The following CAMK1D variants were observed in gnomAD, a reference collection of about 807,000 sequenced individuals.
CAMK1D encodes calcium/calmodulin-dependent protein kinase type 1D.
CAMK1D carries 9 observed loss-of-function variants against 47.7 expected under a neutral mutation model. The observed-to-expected ratio is 0.19, with a 90% CI of 0.11 to 0.33. CAMK1D has a LOEUF of 0.33. Among genes scored for constraint, CAMK1D ranks in the 10% least tolerant of loss-of-function variants. The probability of loss-of-function intolerance (pLI) is 1.00; values close to 1 mark genes in which losing one functional copy is unlikely to be tolerated. For synonymous variants in CAMK1D, 184 were observed against 184.9 expected, an observed-to-expected ratio of 0.99 and a Z score of 0.04; for missense variants, 291 against 488.7, an observed-to-expected ratio of 0.60 and a Z score of 3.81.
intron 1 of CAMK1D, among the ~76,000 whole-genome samples, chr10:12,523,742 A>AGGGAGAGGGAGACCGTG (rs887148658): frequency 6.6e-6 from 1 of 152,030 alleles, no homozygotes; most frequent in Non-Finnish European, 1.5e-5. Flanking sequence ...GTGGAAAGAG[A>AGGGAGAGGGAGACCGTG]GGGAGAGGGA....
chr10:12,625,774 C>G (rs1588705224), intron 2 of CAMK1D, among the ~76,000 whole-genome samples: 1 of 152,080 alleles, frequency 6.6e-6, no homozygotes, highest in East Asian at 1.9e-4. Flanking sequence ...CCTTACACGT[C>G]TTCACTTGAA....
chr10:12,400,938 G>A (rs1267556855), intron 1 of CAMK1D, among the ~76,000 whole-genome samples: 2 of 147,388 alleles, frequency 1.4e-5, no homozygotes, highest in Non-Finnish European at 3.0e-5. Flanking sequence ...GCAATATAGC[G>A]AGGCCCCTGT....
chr10:12,355,087 C>T (rs1837469867), intron 1 of CAMK1D, among the ~76,000 whole-genome samples: 1 of 152,034 alleles, frequency 6.6e-6, no homozygotes, highest in South Asian at 2.1e-4. Context: ...AAGTGATCCT[C>T]CTACTTTGGG....
intron 1 of CAMK1D, among the ~76,000 whole-genome samples, chr10:12,415,455 ATTTTTTT>A (rs5783266): frequency 3.2e-5 from 3 of 93,138 alleles, no homozygotes; most frequent in African/African-American, 7.5e-5. Context: ...CGCCTGGCTA[ATTTTTTT>A]TTTTTTTTTT....
chr10:12,439,099 T>C (rs1377332463), intron 1 of CAMK1D, among the ~76,000 whole-genome samples: 1 of 152,212 alleles, frequency 6.6e-6, no homozygotes, highest in Non-Finnish European at 1.5e-5. Context: ...CATCAGGCAC[T>C]ATCGTCTGTG....
In CAMK1D at chr10:12,520,012, G is replaced by A. The variant is rs1255719366; in HGVS notation, c.93-33213G>A. On this transcript the variant is annotated intron_variant, in intron 1 of 10. Coordinates refer to ENST00000619168, the MANE Select transcript of CAMK1D (RefSeq NM_153498.4). ...GGGCTCCTCACTTCCCAGTAGGGGCGGCCGGGCAGAGGAGCCCCTCACCTC... is the reference window on the plus strand; with the variant it reads ...GGGCTCCTCACTTCCCAGTAGGGGCAGCCGGGCAGAGGAGCCCCTCACCTC... Among the ~76,000 whole-genome samples the A allele has an allele frequency of 4.0e-5, 3 of 74,690 alleles. 1 individual carries two copies. Among genetic ancestry groups the A allele is most frequent in the Non-Finnish European group, 8.4e-5 (3 of 35,528 alleles). The allele number at this position is 74,690 out of a possible 152,430, so 49.0% of individuals were successfully genotyped here. A position where few individuals can be genotyped will look rare whatever the true frequency, so the allele number is the denominator to read the frequency against.
In CAMK1D at chr10:12,509,159, T is replaced by G. The variant is rs114150318; in HGVS notation, c.93-44066T>G. Among the ~76,000 whole-genome samples, 615 of 152,292 alleles carry G rather than the reference T, an allele frequency of 4.0e-3. 5 individuals carry two copies. Among genetic ancestry groups the G allele is most frequent in the African/African-American group, 0.014 (595 of 41,564 alleles). ...CCTTCCTCTGGATAATTGCACGACT[T>G]TCCCTTTAGCAGCCGCCAATGGGAA... On this transcript the variant is annotated intron_variant, in intron 1 of 10. Transcript: ENST00000619168.
chr10:12,723,057 A>C (rs1344340365), intron 3 of CAMK1D, among the ~76,000 whole-genome samples: 1 of 152,194 alleles, frequency 6.6e-6, no homozygotes, highest in East Asian at 1.9e-4. Flanking sequence ...CTATGTGAAC[A>C]CCACATGGGG....
intron 1 of CAMK1D, among the ~76,000 whole-genome samples, chr10:12,464,962 C>G (rs766342397): frequency 6.6e-6 from 1 of 152,164 alleles, no homozygotes; most frequent in African/African-American, 2.4e-5. Flanking sequence ...ATTCCTGAGA[C>G]GTTCTGGATA....
intron 5 of CAMK1D, among the ~76,000 whole-genome samples, chr10:12,770,107 T>A (rs922719347): frequency 1.3e-5 from 2 of 152,240 alleles, no homozygotes; most frequent in Non-Finnish European, 2.9e-5. Context: ...TTTCCAGAGA[T>A]ACTGCATACA....
At chr10:12,487,642 G>A (rs1405484710) in intron 1 of CAMK1D, among the ~76,000 whole-genome samples, 2 of 152,228 alleles carry the variant, frequency 1.3e-5, no homozygotes, top group Non-Finnish European at 2.9e-5. Flanking sequence ...ACAGATCCCA[G>A]AAGAAAGGTG....
At chr10:12,690,908 G>A (rs1832851316) in intron 3 of CAMK1D, among the ~76,000 whole-genome samples, 1 of 152,106 alleles carries the variant, frequency 6.6e-6, no homozygotes, top group South Asian at 2.1e-4. Flanking sequence ...CACGGGATAC[G>A]TGACCAACCC....
intron 3 of CAMK1D, among the ~76,000 whole-genome samples, chr10:12,742,921 G>A (rs1835497317): frequency 6.6e-6 from 1 of 152,196 alleles, no homozygotes; most frequent in African/African-American, 2.4e-5. Context: ...AACACATATG[G>A]ATGTGCGCAA....
intron 1 of CAMK1D, among the ~76,000 whole-genome samples, chr10:12,398,013 T>G (rs1484664773): frequency 6.6e-6 from 1 of 152,186 alleles, no homozygotes; most frequent in Non-Finnish European, 1.5e-5. Flanking sequence ...ATAGCCAAAA[T>G]TTTTCATCGT....
At chr10:12,465,423 C>G (rs1440422721) in intron 1 of CAMK1D, among the ~76,000 whole-genome samples, 1 of 151,698 alleles carries the variant, frequency 6.6e-6, no homozygotes, top group African/African-American at 2.4e-5. Flanking sequence ...GGTGTGATCT[C>G]GGCTCACTGC....
intron 1 of CAMK1D, among the ~76,000 whole-genome samples, chr10:12,547,212 G>A (rs967759632): frequency 6.6e-6 from 1 of 152,142 alleles, no homozygotes; most frequent in Non-Finnish European, 1.5e-5. Context: ...TAGGAAGGAG[G>A]TCAAGGCAAA....
At chr10:12,731,554 A>G (rs1834883000) in intron 3 of CAMK1D, among the ~76,000 whole-genome samples, 1 of 152,234 alleles carries the variant, frequency 6.6e-6, no homozygotes, top group Admixed American at 6.5e-5. Flanking sequence ...GCAGGCACAG[A>G]GGAGGTAAGA....
At chr10:12,711,658 G>A (rs148921512) in intron 3 of CAMK1D, among the ~76,000 whole-genome samples, 7 of 152,266 alleles carry the variant, frequency 4.6e-5, no homozygotes, top group East Asian at 3.9e-4. Context: ...ATGTCATTGC[G>A]TTCCCTGTTA....
chr10:12,708,231 C>T (rs1588830924), intron 3 of CAMK1D, among the ~76,000 whole-genome samples: 2 of 152,266 alleles, frequency 1.3e-5, no homozygotes, highest in African/African-American at 4.8e-5. Flanking sequence ...TAGTATCCTG[C>T]AATGACAGTG....
Sources: allele counts gnomAD v4.1 joint callset (sites outside exome capture counted in the v4.1 genomes callset), GRCh38; gene constraint gnomAD v4.1.1; transcripts MANE v1.5; gene names NCBI Gene and HGNC (gene_info 2026-07-23, HGNC 2026-07-21).